Variants in ACSM3 observed in about 807,000 individuals in gnomAD.
The protein encoded by ACSM3 is acyl-CoA synthetase medium chain family member 3.
A neutral mutation model predicts 74.1 loss-of-function variants in ACSM3; 61 were observed. That is an observed-to-expected ratio of 0.82 (90% CI 0.67 to 1.02). The LOEUF (loss-of-function observed/expected upper bound fraction) is 1.02, where lower values mean the gene tolerates loss of function less well. ACSM3 is among the 50% of genes least tolerant of loss of function. The pLI is 0.00. For synonymous variants in ACSM3, 213 were observed against 241.5 expected (o/e 0.88, Z 1.09); for missense variants, 660 against 697.0 (o/e 0.95, Z 0.60).
chr16:20,682,550 A>G (rs1300154470), intron 1 of ACSM3: 2 of 1,038,608 alleles, frequency 1.9e-6, no homozygotes, highest in Non-Finnish European at 2.9e-6. Context: ...GAAATACCCT[A>G]ACTTCTTGTT....
At chr16:20,745,051 C>T (rs1286773787) in intron 1 of ACSM3, among the ~76,000 whole-genome samples, 12 of 152,182 alleles carry the variant, frequency 7.9e-5, no homozygotes, top group East Asian at 5.8e-4. Context: ...TGGCAGCTGC[C>T]GGGGCTGCGT....
At chr16:20,731,825 A>ATAG (rs1402581230) in intron 1 of ACSM3, 2 of 250,468 alleles carry the variant, frequency 8.0e-6, no homozygotes, top group African/African-American at 4.6e-5. Flanking sequence ...TTTTGACTTT[A>ATAG]TAGTAGCTCA....
chr16:20,756,069 T>C (rs1036446711), intron 3 of ACSM3, among the ~76,000 whole-genome samples: 39 of 152,280 alleles, frequency 2.6e-4, no homozygotes, highest in African/African-American at 8.4e-4. Context: ...GTCTTTGCTA[T>C]TGTGAATAGT....
At chr16:20,732,136 A>C (rs1238120197) in intron 1 of ACSM3, among the ~76,000 whole-genome samples, 1 of 152,186 alleles carries the variant, frequency 6.6e-6, no homozygotes, top group Non-Finnish European at 1.5e-5. Context: ...ATTAATATTC[A>C]GAAAGAATAC....
chr16:20,783,649 A>G (rs1263379473), intron 7 of ACSM3: 2 of 152,198 alleles, frequency 1.3e-5, no homozygotes, highest in Admixed American at 1.3e-4. Flanking sequence ...TTCACCTGCC[A>G]TAAAATTCAA....
intron 1 of ACSM3, among the ~76,000 whole-genome samples, chr16:20,716,845 G>A (rs190946045): frequency 6.6e-6 from 1 of 152,204 alleles, no homozygotes; most frequent in Admixed American, 6.5e-5. Flanking sequence ...TAGCCCCCAC[G>A]GCCTGGTATT....
At chr16:20,772,881 C>A (rs1343069180) in intron 2 of ACSM3, among the ~76,000 whole-genome samples, 1 of 151,184 alleles carries the variant, frequency 6.6e-6, no homozygotes, top group East Asian at 1.9e-4. Flanking sequence ...GGAGGAGAAT[C>A]ACTTTAATCT....
chr16:20,681,278 C>T (rs980609581), intron 1 of ACSM3: 3 of 152,206 alleles, frequency 2.0e-5, no homozygotes, highest in African/African-American at 7.2e-5. Flanking sequence ...ATTAGATTAT[C>T]ACTTAGCCTC....
chr16:20,748,050 T>C (rs1317730949), intron 1 of ACSM3, among the ~76,000 whole-genome samples: 1 of 151,994 alleles, frequency 6.6e-6, no homozygotes, highest in Non-Finnish European at 1.5e-5. Flanking sequence ...GGTGGGAGGA[T>C]CGTTTGAGCC....
chr16:20,712,891 C>T (rs1213907012), intron 1 of ACSM3, among the ~76,000 whole-genome samples: 2 of 149,502 alleles, frequency 1.3e-5, no homozygotes, highest in Admixed American at 6.7e-5. Flanking sequence ...CCAGCCCAGG[C>T]GACAGAGCAA....
At chr16:20,744,158 T>C (rs758061860) in intron 1 of ACSM3, among the ~76,000 whole-genome samples, 16 of 152,204 alleles carry the variant, frequency 1.1e-4, no homozygotes, top group Non-Finnish European at 2.2e-4. Context: ...ATTCATCTGC[T>C]ATTGTTAGCA....
At chr16:20,737,130 G>A in intron 1 of ACSM3, 2 of 1,614,124 alleles carry the variant, frequency 1.2e-6, no homozygotes, top group Non-Finnish European at 1.7e-6. Context: ...CGGATCCTTA[G>A]GGCTCTTCAC....
chr16:20,741,478 C>CCGGGGGGGGGG, intron 1 of ACSM3: 3 of 1,336,926 alleles, frequency 2.2e-6, no homozygotes, highest in African/African-American at 1.5e-5. Flanking sequence ...GGCCTGGCAG[C>CCGGGGGGGGGG]CGGCCCGCCC....
At chr16:20,682,265 G>T (rs755751453) in intron 1 of ACSM3, 2 of 1,612,842 alleles carry the variant, frequency 1.2e-6, no homozygotes, top group Non-Finnish European at 1.7e-6. Context: ...CTTAACCAGC[G>T]ATCGGAAGTC....
At chr16:20,682,435 C>T (rs1461992846) in intron 1 of ACSM3, 3 of 1,613,664 alleles carry the variant, frequency 1.9e-6, no homozygotes, top group African/African-American at 1.3e-5. Flanking sequence ...TGGCCTTCAA[C>T]AGGATGGTCG....
intron 1 of ACSM3, among the ~76,000 whole-genome samples, chr16:20,688,448 A>C (rs569444532): frequency 1.3e-5 from 2 of 152,274 alleles, no homozygotes; most frequent in South Asian, 4.2e-4. Context: ...TACAAATATG[A>C]GAAGCTCAAT....
In ACSM3 at chr16:20,745,491, A is replaced by G. The variant is rs552196042; in HGVS notation, c.-189-4419A>G. ...CCAGCTATTTGGGAGGCTAGACACG[A>G]GAGTTGCTTGAACCTGGGAGGCAGA... is the stretch of plus-strand genomic sequence containing the variant. On this transcript the variant is annotated intron_variant, in intron 1 of 3. Coordinates refer to the ACSM3 transcript ENST00000561584. 3.4e-3 allele frequency among the ~76,000 whole-genome samples: 512 copies of G among 152,262 alleles called. 3 individuals are homozygous for G. Among genetic ancestry groups the G allele is most frequent in the Middle Eastern group, 0.014 (4 of 294 alleles).
intron 1 of ACSM3, chr16:20,680,889 G>A (rs2079431124): frequency 6.6e-6 from 1 of 152,234 alleles, no homozygotes. Flanking sequence ...GAGCATGTGT[G>A]TAGTAACAAT....
chr16:20,713,077 G>A (rs755360839), intron 1 of ACSM3, among the ~76,000 whole-genome samples: 4 of 152,160 alleles, frequency 2.6e-5, no homozygotes, highest in Non-Finnish European at 4.4e-5. Flanking sequence ...CCACATCAGT[G>A]AATATTGCTT....
Sources: gnomAD v4.1 joint callset for allele counts (sites outside exome capture counted in the v4.1 genomes callset) on GRCh38, gnomAD v4.1.1 for gene constraint, MANE v1.5 for transcripts, NCBI Gene and HGNC (gene_info 2026-07-23, HGNC 2026-07-21) for gene names.